The following RBFOX1 variants were observed in gnomAD, a reference collection of about 807,000 sequenced individuals.
The protein encoded by RBFOX1 is RNA binding protein fox-1 homolog 1.
RBFOX1 carries 8 observed loss-of-function variants against 57.7 expected under a neutral mutation model. The observed-to-expected ratio is 0.14, with a 90% CI of 0.08 to 0.25. The LOEUF (loss-of-function observed/expected upper bound fraction) is 0.25, where lower values mean the gene tolerates loss of function less well. Among genes scored for constraint, RBFOX1 ranks in the 10% least tolerant of loss-of-function variants. The probability of loss-of-function intolerance (pLI) is 1.00; values close to 1 mark genes in which losing one functional copy is unlikely to be tolerated. For synonymous variants in RBFOX1, 326 were observed against 222.4 expected (o/e 1.47, Z -4.15); for missense variants, 611 against 548.5 (o/e 1.11, Z -1.14).
At chr16:5,805,859 G>C (rs568816041) in intron 3 of RBFOX1, among the ~76,000 whole-genome samples, 3 of 152,286 alleles carry the variant, frequency 2.0e-5, no homozygotes, top group Non-Finnish European at 4.4e-5. Context: ...AACTCAGTAG[G>C]GAAGGGGATC....
At chr16:6,743,549 C>G (rs777214958) in intron 3 of RBFOX1, among the ~76,000 whole-genome samples, 2 of 152,022 alleles carry the variant, frequency 1.3e-5, no homozygotes. Flanking sequence ...TGAGACCAAC[C>G]TGAGCAACAT....
intron 1 of RBFOX1, among the ~76,000 whole-genome samples, chr16:5,399,811 C>G (rs1420076625): frequency 2.0e-5 from 3 of 151,918 alleles, no homozygotes; most frequent in African/African-American, 4.8e-5. Context: ...TTTTGTCCAT[C>G]TGTCTATCCC....
chr16:5,592,976 T>C (rs554758786), intron 2 of RBFOX1, among the ~76,000 whole-genome samples: 5 of 152,306 alleles, frequency 3.3e-5, no homozygotes. Flanking sequence ...CCTACTGAGC[T>C]GTGTTCCCAG....
intron 3 of RBFOX1, among the ~76,000 whole-genome samples, chr16:7,049,271 A>T (rs984580701): frequency 1.3e-5 from 2 of 152,058 alleles, no homozygotes; most frequent in Non-Finnish European, 2.9e-5. Flanking sequence ...AAGTGTCAAG[A>T]GAAGAGAGGA....
intron 1 of RBFOX1, among the ~76,000 whole-genome samples, chr16:6,024,482 T>A (rs926364120): frequency 6.6e-6 from 1 of 152,012 alleles, no homozygotes; most frequent in African/African-American, 2.4e-5. Context: ...ATGAGTATTC[T>A]ACTCATCTCC....
intron 3 of RBFOX1, among the ~76,000 whole-genome samples, chr16:6,900,592 T>C (rs1309158261): frequency 1.3e-5 from 2 of 152,206 alleles, no homozygotes; most frequent in Admixed American, 1.3e-4. Context: ...TTTCCAGTTT[T>C]AGCAATGTGC....
At chr16:7,343,427 G>C (rs528983321) in intron 4 of RBFOX1, among the ~76,000 whole-genome samples, 50 of 152,290 alleles carry the variant, frequency 3.3e-4, no homozygotes, top group Middle Eastern at 6.8e-3. Context: ...CCAGCAGTGG[G>C]ATTTGGGAGC....
At chr16:5,850,707 C>G (rs1240357642) in intron 3 of RBFOX1, among the ~76,000 whole-genome samples, 5 of 152,186 alleles carry the variant, frequency 3.3e-5, no homozygotes, top group African/African-American at 1.2e-4. Context: ...GGAGCATTGC[C>G]TCGGTTTGCA....
At chr16:7,185,057 G>T (rs138937967) in intron 4 of RBFOX1, among the ~76,000 whole-genome samples, 1 of 152,146 alleles carries the variant, frequency 6.6e-6, no homozygotes, top group Non-Finnish European at 1.5e-5. Flanking sequence ...TTGAAATTGT[G>T]CAGTAAGTAC....
At chr16:6,882,287 A>C (rs1252574200) in intron 3 of RBFOX1, among the ~76,000 whole-genome samples, 1 of 152,148 alleles carries the variant, frequency 6.6e-6, no homozygotes, top group East Asian at 1.9e-4. Context: ...GATGGGGAGG[A>C]ACAACCTGTG....
intron 4 of RBFOX1, among the ~76,000 whole-genome samples, chr16:7,074,960 G>A (rs2058037087): frequency 6.6e-6 from 1 of 152,118 alleles, no homozygotes; most frequent in African/African-American, 2.4e-5. Flanking sequence ...AAGAGGTAGG[G>A]GAGCTCATTG....
At chr16:5,655,610 C>T (rs1290988805) in intron 3 of RBFOX1, among the ~76,000 whole-genome samples, 2 of 152,182 alleles carry the variant, frequency 1.3e-5, no homozygotes, top group Admixed American at 1.3e-4. Flanking sequence ...AATGGTTGTC[C>T]TTGATACAGC....
At chr16:6,494,379 C>T (rs1226115562) in intron 2 of RBFOX1, among the ~76,000 whole-genome samples, 1 of 152,182 alleles carries the variant, frequency 6.6e-6, no homozygotes, top group Non-Finnish European at 1.5e-5. Context: ...CGACCACCTG[C>T]CCCTGTTCTT....
chr16:5,608,465 C>G (rs1173739298), intron 3 of RBFOX1, among the ~76,000 whole-genome samples: 2 of 152,322 alleles, frequency 1.3e-5, no homozygotes, highest in East Asian at 3.9e-4. Context: ...TGAGTCCCAG[C>G]CCTGCCACCT....
chr16:5,287,297 C>G (rs539598683), intron 1 of RBFOX1, among the ~76,000 whole-genome samples: 1 of 151,614 alleles, frequency 6.6e-6, no homozygotes, highest in South Asian at 2.1e-4. Context: ...GAGTGAGACC[C>G]CGTTTCAAAA....
intron 4 of RBFOX1, among the ~76,000 whole-genome samples, chr16:7,143,523 C>G (rs1474018258): frequency 6.6e-6 from 1 of 152,098 alleles, no homozygotes; most frequent in Non-Finnish European, 1.5e-5. Flanking sequence ...CTGGAGGCAG[C>G]AGAAGCACCA....
intron 3 of RBFOX1, among the ~76,000 whole-genome samples, chr16:6,896,903 A>C (rs145480168): frequency 1.3e-5 from 2 of 152,014 alleles, no homozygotes; most frequent in African/African-American, 2.4e-5. Context: ...TGACATTTTT[A>C]AAAAAAATGC....
At chr16:6,441,580 C>G (rs2094383312) in intron 2 of RBFOX1, among the ~76,000 whole-genome samples, 5 of 152,114 alleles carry the variant, frequency 3.3e-5, no homozygotes, top group African/African-American at 1.2e-4. Flanking sequence ...CCGTGCCCAG[C>G]TAATCTTTTG....
chr16:5,784,936 A>T (rs1021921549), intron 3 of RBFOX1, among the ~76,000 whole-genome samples: 1 of 152,178 alleles, frequency 6.6e-6, no homozygotes, highest in Admixed American at 6.5e-5. Flanking sequence ...TTTATAAGCT[A>T]CCCAGTGTAT....
Sources: gnomAD v4.1 joint callset for allele counts (sites outside exome capture counted in the v4.1 genomes callset) on GRCh38, gnomAD v4.1.1 for gene constraint, MANE v1.5 for transcripts, NCBI Gene and HGNC (gene_info 2026-07-23, HGNC 2026-07-21) for gene names.